RAD54B: variants seen among roughly 807,000 people sequenced by gnomAD.
The protein encoded by RAD54B is DNA repair and recombination protein RAD54B.
Under a neutral mutation model 95.8 loss-of-function variants are expected in RAD54B, and 78 were observed. The observed-to-expected ratio is 0.81, with a 90% confidence interval of 0.68 to 0.98. RAD54B has a LOEUF of 0.98. Among genes scored for constraint, RAD54B ranks in the 50% least tolerant of loss-of-function variants. The pLI is 0.00. For missense variants in RAD54B, 957 were observed against 1,056.6 expected (o/e 0.91, Z 1.31); for synonymous variants, 328 against 354.9 (o/e 0.92, Z 0.85).
At chr8:94,405,479 A>C (rs1425839213) in intron 5 of RAD54B, among the ~76,000 whole-genome samples, 2 of 152,214 alleles carry the variant, frequency 1.3e-5, no homozygotes, top group Non-Finnish European at 2.9e-5. Flanking sequence ...TTTACCATTA[A>C]CAAATACCCA....
intron 3 of RAD54B, among the ~76,000 whole-genome samples, chr8:94,448,648 C>T (rs1469824003): frequency 7.1e-6 from 1 of 140,018 alleles, no homozygotes; most frequent in Non-Finnish European, 1.5e-5. Flanking sequence ...AAGCCAGACA[C>T]AGAAAGAAAA....
intron 2 of RAD54B, among the ~76,000 whole-genome samples, chr8:94,464,424 CAACACCTTG>C (rs772909361): frequency 2.6e-5 from 4 of 151,894 alleles, no homozygotes; most frequent in Non-Finnish European, 4.4e-5. Flanking sequence ...ATAGCCTTAC[CAACACCTTG>C]ATCTTAGATC....
chr8:94,416,094 T>C (rs1248114733), intron 3 of RAD54B, among the ~76,000 whole-genome samples: 3 of 150,712 alleles, frequency 2.0e-5, no homozygotes, highest in African/African-American at 7.3e-5. Context: ...CTATTCACAA[T>C]AGCAAAGACT....
In RAD54B at chr8:94,372,400, A is replaced by C. The variant is rs1293770942; in HGVS notation, c.2516-13T>G. ...TCCAACGAATCACCTGTAATAAGTA[A>C]AACAATGAGAAAATCCTTAGGCAAG... On this transcript the variant is annotated splice_polypyrimidine_tract_variant and intron_variant, in intron 14 of 14. Coordinates refer to ENST00000336148, the MANE Select transcript of RAD54B (RefSeq NM_012415.3). The C allele has an allele frequency of 3.1e-6, 5 of 1,609,058 alleles. No individual in the cohort carries two copies. In the Middle Eastern group the frequency reaches 8.3e-4, roughly 266 times the overall value.
At chr8:94,432,390 T>C (rs1035075997) in intron 3 of RAD54B, 3 of 1,550,404 alleles carry the variant, frequency 1.9e-6, no homozygotes, top group South Asian at 1.2e-5. Flanking sequence ...AAAAAAATCA[T>C]CTCTCCTTGG....
chr8:94,448,557 A>G lies in RAD54B; in HGVS notation c.304+9711T>C, dbSNP rs917481249. On this transcript the variant is annotated intron_variant, in intron 3 of 14. Transcript: ENST00000336148. ...AGCACACACACATACACAAAATAGA[A>G]TATCATTCAGCCTTAAAAAAGGAGA... is the stretch of plus-strand genomic sequence containing the variant. 5.3e-5 allele frequency among the ~76,000 whole-genome samples: 8 copies of G among 152,152 alleles called. No homozygotes were observed. In the East Asian group the frequency reaches 5.8e-4, roughly 11 times the overall value.
chr8:94,466,427 G>A (rs1169021899), intron 2 of RAD54B, among the ~76,000 whole-genome samples: 1 of 150,718 alleles, frequency 6.6e-6, no homozygotes, highest in Non-Finnish European at 1.5e-5. Flanking sequence ...TTTTTGGGGG[G>A]GACGGAGTCT....
chr8:94,420,850 T>A (rs1465185232), intron 3 of RAD54B, among the ~76,000 whole-genome samples: 1 of 151,740 alleles, frequency 6.6e-6, no homozygotes, highest in Non-Finnish European at 1.5e-5. Flanking sequence ...CCAGACGTGG[T>A]GGTGGGCGTC....
At chr8:94,391,429 T>C (rs1032391259) in intron 10 of RAD54B, among the ~76,000 whole-genome samples, 180 bp downstream of exon 10, 5 of 149,352 alleles carry the variant, frequency 3.3e-5, no homozygotes, top group Admixed American at 6.8e-5. Context: ...AGTGTGGACA[T>C]GCTCTGAAGA....
At chr8:94,424,877 T>C (rs1430382166) in intron 3 of RAD54B, among the ~76,000 whole-genome samples, 1 of 151,806 alleles carries the variant, frequency 6.6e-6, no homozygotes, top group Non-Finnish European at 1.5e-5. Flanking sequence ...GCCTGGACAA[T>C]ACGGCAAAAC....
intron 3 of RAD54B, among the ~76,000 whole-genome samples, chr8:94,416,523 A>G (rs563996436): frequency 4.0e-5 from 6 of 150,524 alleles, no homozygotes; most frequent in Non-Finnish European, 7.4e-5. Flanking sequence ...TAATAATAAT[A>G]AAAAAAAAGA....
chr8:94,449,563 C>T (rs56303696), intron 3 of RAD54B, among the ~76,000 whole-genome samples: 14,259 of 149,144 alleles, frequency 0.096, 1,117 homozygotes, highest in East Asian at 0.33. Flanking sequence ...GAGCCAAGAT[C>T]GCATCACTGC....
chr8:94,417,739 G>A (rs1241218387), intron 3 of RAD54B, among the ~76,000 whole-genome samples: 1 of 152,080 alleles, frequency 6.6e-6, no homozygotes, highest in Non-Finnish European at 1.5e-5. Context: ...TCCAAGCCAG[G>A]TAAATCAACC....
intron 3 of RAD54B, among the ~76,000 whole-genome samples, chr8:94,420,714 G>C (rs1320854661): frequency 6.6e-6 from 1 of 152,086 alleles, no homozygotes; most frequent in Non-Finnish European, 1.5e-5. Flanking sequence ...GCCGTGCGCG[G>C]TGGCTCAGGC....
intron 3 of RAD54B, among the ~76,000 whole-genome samples, chr8:94,424,855 A>G (rs544089509): frequency 6.6e-6 from 1 of 152,244 alleles, no homozygotes; most frequent in South Asian, 2.1e-4. Context: ...CAAGCCCAGG[A>G]GTTCAAGACC....
chr8:94,407,834 A>T, intron 4 of RAD54B, 114 bp from the exon 5 acceptor site: 1 of 718,682 alleles, frequency 1.4e-6, no homozygotes, highest in African/African-American at 1.8e-5. Context: ...ATAATGCATT[A>T]GCCAAAATGG....
Position 94,392,032 on chromosome 8 carries a change from G to C in RAD54B, c.1519-133C>G. The C allele has an allele frequency of 3.6e-6, 3 of 844,088 alleles. No homozygotes were observed. In the East Asian group the frequency reaches 8.0e-5, roughly 22 times the overall value. 52.3% of individuals were successfully genotyped at this position (844,088 alleles called of 1,614,324 possible). On this transcript the variant is annotated intron_variant, in intron 9 of 14. Transcript: ENST00000336148. ...AAATTTTAAAAGAAATAAAATATGA[G>C]TATAGGGACAGAAAAACCAACCATG...
intron 3 of RAD54B, among the ~76,000 whole-genome samples, chr8:94,433,349 A>G (rs1812165467): frequency 6.6e-6 from 1 of 152,106 alleles, no homozygotes. Flanking sequence ...TAAAGTTCAC[A>G]AGAGCAATGG....
At chr8:94,385,141 A>C (rs1239330856) in intron 11 of RAD54B, among the ~76,000 whole-genome samples, 1 of 152,120 alleles carries the variant, frequency 6.6e-6, no homozygotes, top group Admixed American at 6.5e-5. Flanking sequence ...TCAATCCCCA[A>C]ATATTACTTT....
Sources: allele counts gnomAD v4.1 joint callset (sites outside exome capture counted in the v4.1 genomes callset), GRCh38; gene constraint gnomAD v4.1.1; transcripts MANE v1.5; gene names NCBI Gene and HGNC (gene_info 2026-07-23, HGNC 2026-07-21).